The following LHPP variants were observed in gnomAD, a reference collection of about 807,000 sequenced individuals.
The protein encoded by LHPP is phospholysine phosphohistidine inorganic pyrophosphate phosphatase.
Under a neutral mutation model 30.3 loss-of-function variants are expected in LHPP, and 24 were observed. That is an observed-to-expected ratio of 0.79 (90% CI 0.57 to 1.11). The LOEUF is 1.11. LHPP is among the 50% of genes most tolerant of loss of function. The pLI, the probability that LHPP is intolerant of heterozygous loss-of-function variation, is 0.00. For synonymous variants in LHPP, 150 were observed against 157.1 expected, an observed-to-expected ratio of 0.95 and a Z score of 0.34; for missense variants, 356 against 367.2, an observed-to-expected ratio of 0.97 and a Z score of 0.25.
intron 3 of LHPP, chr10:124,490,590 T>G (rs1953491219): frequency 3.6e-6 from 1 of 279,104 alleles, no homozygotes; most frequent in Admixed American, 4.4e-5. Flanking sequence ...TCTGCAGCTG[T>G]AGGGTCCAGG....
intron 6 of LHPP, among the ~76,000 whole-genome samples, chr10:124,545,126 A>G (rs987272109): frequency 2.0e-5 from 3 of 152,146 alleles, no homozygotes; most frequent in African/African-American, 7.2e-5. Flanking sequence ...ACAGGGCCAC[A>G]GCCTCTGCTG....
chr10:124,558,340 G>A (rs890335474), intron 6 of LHPP, among the ~76,000 whole-genome samples: 5 of 152,206 alleles, frequency 3.3e-5, no homozygotes, highest in African/African-American at 4.8e-5. Context: ...CACGAGCCGC[G>A]TGTTGCTATG....
chr10:124,521,711 G>GGCGGGTGGGGGCAGCTT (rs1361697235), intron 6 of LHPP, among the ~76,000 whole-genome samples: 5 of 152,206 alleles, frequency 3.3e-5, no homozygotes, highest in Non-Finnish European at 1.5e-5. Context: ...TGGGGCAGCT[G>GGCGGGTGGGGGCAGCTT]GCGGGTGGGG....
chr10:124,485,719 G>GC (rs1041073747), intron 2 of LHPP, among the ~76,000 whole-genome samples: 21 of 151,822 alleles, frequency 1.4e-4, no homozygotes, highest in African/African-American at 4.1e-4. Flanking sequence ...TTCTGCCTCA[G>GC]CCCCCCAAGT....
intron 3 of LHPP, among the ~76,000 whole-genome samples, chr10:124,494,671 C>T (rs9422993): frequency 0.06 from 9,132 of 152,184 alleles, 578 homozygotes; most frequent in African/African-American, 0.16. Context: ...TCCCTGGACC[C>T]GGACCTCCCC....
At position 124,496,883 on chromosome 10, in the gene LHPP, G is replaced by A. The variant is rs981437527; in HGVS notation, c.468-78G>A. On this transcript the variant is annotated intron_variant, in intron 3 of 6. Coordinates refer to ENST00000368842, the MANE Select transcript of LHPP (RefSeq NM_022126.4). This position sits in a 1 kb window ranked among gnomAD's most constrained non-coding sequence, Gnocchi z 4.3. ...CTGCAGCCAGCGGGACAGGCCCGGT[G>A]CTCAGCTCCCGATACTTAGCATCCT... The A allele has an allele frequency of 1.5e-5, 20 of 1,358,336 alleles. No homozygotes were observed. Among genetic ancestry groups the A allele is most frequent in the East Asian group, 1.4e-4 (6 of 42,416 alleles). The allele number at this position is 1,358,336 out of a possible 1,614,324, so 84.1% of individuals were successfully genotyped here. A position where few individuals can be genotyped will look rare whatever the true frequency, so the allele number is the denominator to read the frequency against.
intron 6 of LHPP, among the ~76,000 whole-genome samples, chr10:124,519,808 T>C (rs1954562040): frequency 6.8e-6 from 1 of 148,062 alleles, no homozygotes; most frequent in Admixed American, 6.7e-5. Flanking sequence ...ATGGTGTATA[T>C]GTACCACATT....
chr10:124,487,981 G>T (rs1452685210), intron 2 of LHPP, among the ~76,000 whole-genome samples: 1 of 152,116 alleles, frequency 6.6e-6, no homozygotes, highest in Non-Finnish European at 1.5e-5. Context: ...CATATGTGTG[G>T]GGTTGCCTGA....
rs148700565 is a variant in LHPP, at chr10:124,597,665, T to G, written c.717-15599T>G. ...GGGGCCTCCCTGCCCCCATGTGGTTTGGCCTGAAAAAGAGAGGAGGTGGGG... is the reference window on the plus strand; with the variant it reads ...GGGGCCTCCCTGCCCCCATGTGGTTGGGCCTGAAAAAGAGAGGAGGTGGGG... On this transcript the variant is annotated intron_variant, in intron 6 of 6. Coordinates refer to ENST00000368842, the MANE Select transcript of LHPP (RefSeq NM_022126.4). 2.8e-3 allele frequency among the ~76,000 whole-genome samples: 426 copies of G among 152,152 alleles called. 1 individual carries two copies. Among genetic ancestry groups the G allele is most frequent in the African/African-American group, 9.8e-3 (405 of 41,522 alleles).
At chr10:124,475,232 G>A (rs992920577) in intron 1 of LHPP, among the ~76,000 whole-genome samples, 1 of 151,532 alleles carries the variant, frequency 6.6e-6, no homozygotes, top group African/African-American at 2.4e-5. Context: ...TGTGTTGTTC[G>A]CCATGTTGGC....
At chr10:124,604,039 T>C (rs1324654950) in intron 6 of LHPP, among the ~76,000 whole-genome samples, 1 of 152,206 alleles carries the variant, frequency 6.6e-6, no homozygotes, top group East Asian at 1.9e-4. Context: ...CCCCAGGTCC[T>C]GGGAGAAGAG....
At chr10:124,520,449 T>TC (rs575775354) in intron 6 of LHPP, among the ~76,000 whole-genome samples, 1 of 152,264 alleles carries the variant, frequency 6.6e-6, no homozygotes, top group South Asian at 2.1e-4. Flanking sequence ...TCCATATCCA[T>TC]CCGTATCCAT....
At chr10:124,472,589 C>T (rs914899520) in intron 1 of LHPP, among the ~76,000 whole-genome samples, 13 of 150,016 alleles carry the variant, frequency 8.7e-5, no homozygotes, top group East Asian at 2.0e-4. Context: ...GACGCAGTCT[C>T]GCTCTGTCAC....
At chr10:124,535,192 A>G (rs1954993263) in intron 6 of LHPP, among the ~76,000 whole-genome samples, 1 of 152,224 alleles carries the variant, frequency 6.6e-6, no homozygotes, top group South Asian at 2.1e-4. Context: ...AAATTGTTCC[A>G]TGAGCTTGTT....
chr10:124,508,162 A>G (rs1227789418), intron 5 of LHPP, among the ~76,000 whole-genome samples: 1 of 151,846 alleles, frequency 6.6e-6, no homozygotes, highest in Non-Finnish European at 1.5e-5. Flanking sequence ...CATGGGGGCC[A>G]CTCCGGCCCA....
Position 124,546,796 on chromosome 10 carries a change from A to G in LHPP, c.716+29525A>G, listed in dbSNP as rs1452268594. On this transcript the variant is annotated intron_variant, in intron 6 of 6. Transcript: ENST00000368842. ...ATCCGTGCTCCCCACCTCACCATGC[A>G]TGCTTCGGTTGCTGTTTGTCCACAG... 2.6e-5 allele frequency among the ~76,000 whole-genome samples: 4 copies of G among 152,024 alleles called. 1 individual carries two copies. The highest frequency in any genetic ancestry group is 5.9e-5 in the Non-Finnish European group (4 of 67,986).
chr10:124,572,380 C>G (rs1948596412), intron 6 of LHPP, among the ~76,000 whole-genome samples: 1 of 152,024 alleles, frequency 6.6e-6, no homozygotes, highest in Non-Finnish European at 1.5e-5. Flanking sequence ...CCTGTAATCC[C>G]AGCACTTTGG....
At chr10:124,516,404 A>C (rs1459729296) in intron 5 of LHPP, among the ~76,000 whole-genome samples, 1 of 152,158 alleles carries the variant, frequency 6.6e-6, no homozygotes, top group Admixed American at 6.5e-5. Flanking sequence ...AAATACAGTC[A>C]CGCTGCGGGC....
At chr10:124,574,156 A>G (rs2133983762) in intron 6 of LHPP, among the ~76,000 whole-genome samples, 1 of 152,240 alleles carries the variant, frequency 6.6e-6, no homozygotes, top group Middle Eastern at 3.4e-3. Flanking sequence ...AACCCGAAAG[A>G]CAAGCAGATG....
Sources: gnomAD v4.1 joint callset for allele counts (sites outside exome capture counted in the v4.1 genomes callset) on GRCh38, gnomAD v4.1.1 for gene constraint, Gnocchi (gnomAD v3.1) non-coding constraint, MANE v1.5 for transcripts, NCBI Gene and HGNC (gene_info 2026-07-23, HGNC 2026-07-21) for gene names.